HMGB1: variants seen among roughly 807,000 people sequenced by gnomAD.
HMGB1 encodes the protein high mobility group protein B1.
For missense variants in HMGB1, 79 were observed against 253.5 expected, an observed-to-expected ratio of 0.31 and a Z score of 4.67; for synonymous variants, 81 against 84.0, an observed-to-expected ratio of 0.96 and a Z score of 0.19.
At chr13:30,556,353 G>A (rs867218914) in intron 1 of HMGB1, among the ~76,000 whole-genome samples, 32 of 152,174 alleles carry the variant, frequency 2.1e-4, no homozygotes, top group African/African-American at 6.8e-4. Flanking sequence ...GCAGTGAGCC[G>A]AGATCCTGCC....
chr13:30,549,220 G>T (rs550264716), intron 1 of HMGB1, among the ~76,000 whole-genome samples: 1 of 152,018 alleles, frequency 6.6e-6, no homozygotes, highest in Non-Finnish European at 1.5e-5. Flanking sequence ...GAGGTCAAGG[G>T]TGCAGTGAGC....
At position 30,460,118 on chromosome 13, in the gene HMGB1, T is replaced by G. The variant is rs1407280437; in HGVS notation, c.*1239A>C. 6.6e-6 allele frequency: 1 copy of G among 152,250 alleles called. No homozygotes were observed. Among genetic ancestry groups the G allele is most frequent in the Non-Finnish European group, 1.5e-5 (1 of 67,904 alleles). The allele number at this position is 152,250 out of a possible 1,614,324, so 9.4% of individuals were successfully genotyped here. A position where few individuals can be genotyped will look rare whatever the true frequency, so the allele number is the denominator to read the frequency against. ...CAGATAAACATGACTAATGAATGAGTTTGTTTTGTAAAGAAAAATCATTCA... is the reference window on the plus strand; with the variant it reads ...CAGATAAACATGACTAATGAATGAGGTTGTTTTGTAAAGAAAAATCATTCA... On this transcript the variant is annotated 3_prime_UTR_variant, in exon 5 of 5. Transcript: ENST00000341423.
At chr13:30,581,354 G>A (rs1310039243) in intron 1 of HMGB1, among the ~76,000 whole-genome samples, 1 of 152,112 alleles carries the variant, frequency 6.6e-6, no homozygotes, top group Non-Finnish European at 1.5e-5. Flanking sequence ...TCTAACAAAG[G>A]CTAGAGAAGG....
At chr13:30,519,679 G>A (rs900624166) in intron 1 of HMGB1, among the ~76,000 whole-genome samples, 4 of 145,126 alleles carry the variant, frequency 2.8e-5, no homozygotes, top group South Asian at 4.4e-4. Flanking sequence ...CAGCCTGGGC[G>A]ACAAAGCAAG....
chr13:30,531,509 C>CGTGTGTGTGT lies in HMGB1; in HGVS notation c.-14-67825_-14-67816dup, dbSNP rs376387192. Among the ~76,000 whole-genome samples, 996 of 135,644 alleles carry CGTGTGTGTGT rather than the reference C, an allele frequency of 7.3e-3. 11 individuals carry two copies. The highest frequency in any genetic ancestry group is 0.021 in the African/African-American group (741 of 35,986). 89.0% of individuals were successfully genotyped at this position (135,644 alleles called of 152,430 possible). A position where few individuals can be genotyped will look rare whatever the true frequency, so the allele number is the denominator to read the frequency against. ...GAACTGCTATGCTAGGTAACATATA[C>CGTGTGTGTGT]GTGTGTGTGTGTGTGTGTGTGTGTG... On this transcript the variant is annotated intron_variant, in intron 1 of 4. Coordinates refer to the HMGB1 transcript ENST00000405805.
chr13:30,597,300 G>A (rs1256714407), intron 1 of HMGB1, among the ~76,000 whole-genome samples: 1 of 152,082 alleles, frequency 6.6e-6, no homozygotes, highest in Non-Finnish European at 1.5e-5. Context: ...AGACCGGGGC[G>A]GTACATCTAC....
intron 1 of HMGB1, among the ~76,000 whole-genome samples, chr13:30,492,385 A>G (rs1380386403): frequency 6.6e-6 from 1 of 152,134 alleles, no homozygotes; most frequent in Non-Finnish European, 1.5e-5. Flanking sequence ...ATGAAAAAAT[A>G]TTTGCAATAC....
intron 1 of HMGB1, among the ~76,000 whole-genome samples, chr13:30,598,819 T>G (rs1198223995): frequency 1.3e-4 from 20 of 152,168 alleles, no homozygotes; most frequent in Admixed American, 1.3e-3. Context: ...CTATAATCCA[T>G]CCCTGATTTT....
At chr13:30,568,947 C>T (rs1165976506) in intron 1 of HMGB1, among the ~76,000 whole-genome samples, 7 of 152,116 alleles carry the variant, frequency 4.6e-5, no homozygotes, top group South Asian at 2.1e-4. Context: ...GAGGCTAAGG[C>T]GGGGAGATCA....
At chr13:30,523,759 G>A (rs1232355698) in intron 1 of HMGB1, among the ~76,000 whole-genome samples, 1 of 102,208 alleles carries the variant, frequency 9.8e-6, no homozygotes, top group Non-Finnish European at 2.1e-5. Flanking sequence ...TTGTTTGTTT[G>A]AGATGGGGCC....
intron 1 of HMGB1, among the ~76,000 whole-genome samples, chr13:30,596,740 G>A (rs1871627977): frequency 6.6e-6 from 1 of 152,180 alleles, no homozygotes; most frequent in Non-Finnish European, 1.5e-5. Context: ...ATACAGAACG[G>A]AATACACTAA....
intron 1 of HMGB1, among the ~76,000 whole-genome samples, chr13:30,607,044 TC>T (rs1471639647): frequency 1.3e-5 from 2 of 152,234 alleles, no homozygotes; most frequent in Non-Finnish European, 2.9e-5. Flanking sequence ...AGAATTTTAA[TC>T]AAAGCACTGC....
At chr13:30,604,758 C>A (rs1357673530) in intron 1 of HMGB1, among the ~76,000 whole-genome samples, 1 of 152,074 alleles carries the variant, frequency 6.6e-6, no homozygotes, top group African/African-American at 2.4e-5. Flanking sequence ...CCTGGGTTCA[C>A]GCCATTCTCC....
Position 30,615,332 on chromosome 13 carries a change from C to T in HMGB1, c.-15+1339G>A, listed in dbSNP as rs990156238. The stretch of plus-strand genomic sequence containing the variant: ...CAGGTTTACAATTCCTTAACTAAAA[C>T]CCAAGGGTTGGATGTGTTTTAGAAA... On this transcript the variant is annotated intron_variant, in intron 1 of 4. Transcript: ENST00000405805. Among the ~76,000 whole-genome samples the T allele has an allele frequency of 2.6e-5, 4 of 152,120 alleles. No individual in the cohort carries two copies. In the East Asian group the frequency reaches 7.7e-4, roughly 29 times the overall value.
chr13:30,462,833 T>A (rs1184781264), intron 3 of HMGB1, 121 bp from the exon 4 acceptor site: 1 of 748,558 alleles, frequency 1.3e-6, no homozygotes, highest in African/African-American at 1.8e-5. Flanking sequence ...TTGGACAGGG[T>A]GCAAATACTA....
chr13:30,555,567 C>G (rs1469699809), intron 1 of HMGB1, among the ~76,000 whole-genome samples: 1 of 152,144 alleles, frequency 6.6e-6, no homozygotes, highest in African/African-American at 2.4e-5. Context: ...TTAGCAACCA[C>G]AATTCTAGCT....
chr13:30,518,974 T>G (rs1888163680), intron 1 of HMGB1, among the ~76,000 whole-genome samples: 2 of 152,052 alleles, frequency 1.3e-5, no homozygotes, highest in Non-Finnish European at 2.9e-5. Context: ...TCCTCCTGCC[T>G]TGGCCTCCCA....
In HMGB1 at chr13:30,529,692, A is replaced by G. The variant is rs143692837; in HGVS notation, c.-14-65998T>C. Among the ~76,000 whole-genome samples the G allele has an allele frequency of 1.7e-4, 26 of 152,350 alleles. No homozygotes were observed. In the East Asian group the frequency reaches 4.8e-3, roughly 28 times the overall value. On this transcript the variant is annotated intron_variant, in intron 1 of 4. Coordinates refer to the HMGB1 transcript ENST00000405805. The stretch of plus-strand genomic sequence containing the variant: ...ATAGAGAATATTGGACACGATTTCT[A>G]TCGTTGTGAACAAAGGTGAATAGAT...
At chr13:30,497,476 G>A (rs542775733) in intron 1 of HMGB1, among the ~76,000 whole-genome samples, 12 of 150,318 alleles carry the variant, frequency 8.0e-5, no homozygotes, top group Middle Eastern at 3.4e-3. Flanking sequence ...TTTTAGGTTC[G>A]GGGATACACA....
Sources: allele counts gnomAD v4.1 joint callset (sites outside exome capture counted in the v4.1 genomes callset), GRCh38; gene constraint gnomAD v4.1.1; transcripts MANE v1.5; gene names NCBI Gene and HGNC (gene_info 2026-07-23, HGNC 2026-07-21).